Variants in EGFR observed in about 807,000 individuals in gnomAD.
EGFR encodes the protein epidermal growth factor receptor.
A neutral mutation model predicts 143.0 loss-of-function variants in EGFR; 58 were observed. The observed-to-expected ratio is 0.41, with a 90% CI of 0.33 to 0.50. EGFR has a LOEUF of 0.50. EGFR is among the 20% of genes least tolerant of loss of function. The pLI, the probability that EGFR is intolerant of heterozygous loss-of-function variation, is 0.39. For missense variants in EGFR, 1,307 were observed against 1,579.0 expected (o/e 0.83, Z 2.92); for synonymous variants, 613 against 594.4 (o/e 1.03, Z -0.45).
chr7:55,085,927 C>T (rs2128892213), intron 1 of EGFR, among the ~76,000 whole-genome samples: 1 of 152,284 alleles, frequency 6.6e-6, no homozygotes, highest in Middle Eastern at 3.4e-3. Context: ...CATGCTGCCC[C>T]AAGTTTGACA....
At chr7:55,087,162 C>T (rs1182456724) in intron 1 of EGFR, among the ~76,000 whole-genome samples, 5 of 150,812 alleles carry the variant, frequency 3.3e-5, no homozygotes, top group Non-Finnish European at 5.9e-5. Context: ...GAGGATGGCT[C>T]GGATGCTGCA....
intron 1 of EGFR, among the ~76,000 whole-genome samples, chr7:55,027,156 C>A (rs1171423535): frequency 6.6e-6 from 1 of 152,152 alleles, no homozygotes; most frequent in African/African-American, 2.4e-5. Context: ...TGAGGACCGA[C>A]TTACCTTTTG....
intron 1 of EGFR, among the ~76,000 whole-genome samples, chr7:55,022,608 AG>A (rs535919248): frequency 3.5e-4 from 54 of 152,204 alleles, no homozygotes; most frequent in Non-Finnish European, 6.6e-4. Context: ...TAAAGGTTGA[AG>A]GGGGGGTGAG....
At chr7:55,041,211 G>A (rs1421207144) in intron 1 of EGFR, among the ~76,000 whole-genome samples, 1 of 152,170 alleles carries the variant, frequency 6.6e-6, no homozygotes, top group African/African-American at 2.4e-5. Flanking sequence ...TCAGGAGTTC[G>A]AGACCAGCCT....
intron 1 of EGFR, among the ~76,000 whole-genome samples, chr7:55,105,675 G>T (rs1488160944): frequency 6.6e-6 from 1 of 152,194 alleles, no homozygotes; most frequent in Non-Finnish European, 1.5e-5. Context: ...ACTCTACAGG[G>T]TTTGACAACA....
Position 55,099,542 on chromosome 7 carries a change from G to A in EGFR, c.89-42744G>A, listed in dbSNP as rs373536942. On this transcript the variant is annotated intron_variant, in intron 1 of 27. Transcript: ENST00000275493. ...GGAGGGGGGAATTCGGGAGCTGGTT[G>A]GAAAAGAGTATTTGGCACTTTGCAG... 1.2e-3 allele frequency among the ~76,000 whole-genome samples: 181 copies of A among 152,328 alleles called. 4 individuals are homozygous for A. In the South Asian group the frequency reaches 0.037, roughly 31 times the overall value.
At chr7:55,154,267 T>G in intron 7 of EGFR, 115 bp downstream of exon 7, 1 of 1,528,710 alleles carries the variant, frequency 6.5e-7, no homozygotes, top group Admixed American at 1.8e-5. Flanking sequence ...GTGTTTGCCT[T>G]GCTTGGAGGA....
intron 1 of EGFR, among the ~76,000 whole-genome samples, chr7:55,101,276 G>A (rs185683481): frequency 1.3e-5 from 2 of 152,342 alleles, no homozygotes; most frequent in Admixed American, 6.5e-5. Context: ...AGTTCCTACT[G>A]TTCTCAGCAC....
chr7:55,078,741 C>T (rs1291236565), intron 1 of EGFR, among the ~76,000 whole-genome samples: 1 of 152,196 alleles, frequency 6.6e-6, no homozygotes, highest in Admixed American at 6.5e-5. Flanking sequence ...CTCAGGAGGA[C>T]AGAGAGGGGA....
chr7:55,134,980 C>T (rs966636210), intron 1 of EGFR, among the ~76,000 whole-genome samples: 1 of 152,092 alleles, frequency 6.6e-6, no homozygotes, highest in African/African-American at 2.4e-5. Context: ...AGAGATCATC[C>T]CATAATGGTA....
At chr7:55,125,112 A>T (rs184686664) in intron 1 of EGFR, among the ~76,000 whole-genome samples, 104 of 152,284 alleles carry the variant, frequency 6.8e-4, no homozygotes, top group Non-Finnish European at 9.9e-4. Context: ...TGTGCTGCAG[A>T]TGACACTCTC....
chr7:55,095,749 C>T (rs139737368), intron 1 of EGFR, among the ~76,000 whole-genome samples: 33 of 150,064 alleles, frequency 2.2e-4, no homozygotes, highest in African/African-American at 7.1e-4. Flanking sequence ...CACAGACATA[C>T]GCACAGATGG....
chr7:55,127,908 C>A (rs1425262603), intron 1 of EGFR, among the ~76,000 whole-genome samples: 1 of 152,238 alleles, frequency 6.6e-6, no homozygotes, highest in Admixed American at 6.5e-5. Flanking sequence ...CCACTGGAAA[C>A]CACCTCACAT....
In EGFR at chr7:55,098,198, G is replaced by C. The variant is rs538641106; in HGVS notation, c.89-44088G>C. ...CAGGGAAAAAATGAGGGTGTTGGTA[G>C]CTTCGTTAGAAACTGAAAGCTCACT... On this transcript the variant is annotated intron_variant, in intron 1 of 27. Transcript: ENST00000275493. Among the ~76,000 whole-genome samples, 12 of 152,298 alleles carry C rather than the reference G, an allele frequency of 7.9e-5. 1 individual carries two copies. In the South Asian group the frequency reaches 2.5e-3, roughly 32 times the overall value.
At chr7:55,028,660 C>T (rs1007579962) in intron 1 of EGFR, among the ~76,000 whole-genome samples, 1 of 152,148 alleles carries the variant, frequency 6.6e-6, no homozygotes, top group Non-Finnish European at 1.5e-5. Context: ...TTGTGCCGAA[C>T]AAGATAAACT....
intron 1 of EGFR, among the ~76,000 whole-genome samples, chr7:55,137,006 C>A (rs1794181123): frequency 6.6e-6 from 1 of 152,052 alleles, no homozygotes; most frequent in South Asian, 2.1e-4. Context: ...AATTCATAGG[C>A]AAATAATAAT....
intron 1 of EGFR, among the ~76,000 whole-genome samples, chr7:55,134,961 T>A (rs1370705674): frequency 6.6e-6 from 1 of 152,178 alleles, no homozygotes; most frequent in Non-Finnish European, 1.5e-5. Flanking sequence ...CATGTTGAGA[T>A]AACTGGCTAG....
Position 55,205,951 on chromosome 7 carries a change from T to A in EGFR, c.*334T>A, listed in dbSNP as rs886062381. The A allele has an allele frequency of 4.8e-6, 2 of 418,928 alleles. No individual in the cohort carries two copies. 26.0% of individuals were successfully genotyped at this position (418,928 alleles called of 1,614,324 possible). A position where few individuals can be genotyped will look rare whatever the true frequency, so the allele number is the denominator to read the frequency against. On this transcript the variant is annotated 3_prime_UTR_variant, in exon 28 of 28. Transcript: ENST00000275493. ...TTTTATTGATTGGGGATCTTGGAGT[T>A]TTTCATTGTCGCTATTGATTTTTAC...
intron 1 of EGFR, among the ~76,000 whole-genome samples, chr7:55,022,320 T>C (rs1315893506): frequency 6.6e-6 from 1 of 152,140 alleles, no homozygotes; most frequent in Admixed American, 6.5e-5. Context: ...CCAGCCCCAC[T>C]TCTGGAGACG....
Sources: gnomAD v4.1 joint callset for allele counts (sites outside exome capture counted in the v4.1 genomes callset) on GRCh38, gnomAD v4.1.1 for gene constraint, MANE v1.5 for transcripts, NCBI Gene and HGNC (gene_info 2026-07-23, HGNC 2026-07-21) for gene names.